ENTREP2: variants seen among roughly 807,000 people sequenced by gnomAD.
ENTREP2 encodes protein ENTREP2.
At chr15:29,493,264 G>C in the ENTREP2 span, among the ~76,000 whole-genome samples, 1 of 142,482 alleles carries the variant, frequency 7.0e-6, no homozygotes, top group African/African-American at 2.6e-5. Context: ...CTCCCAAGTA[G>C]CTGGGACTAC....
chr15:29,620,053 T>C, the ENTREP2 span, among the ~76,000 whole-genome samples: 1 of 152,060 alleles, frequency 6.6e-6, no homozygotes, highest in Non-Finnish European at 1.5e-5. Flanking sequence ...GGGGGTTTAT[T>C]ATAGGAATTT....
the ENTREP2 span, among the ~76,000 whole-genome samples, chr15:29,383,892 C>T: frequency 3.9e-5 from 6 of 152,194 alleles, no homozygotes; most frequent in Non-Finnish European, 5.9e-5. Flanking sequence ...ACACAGTTAC[C>T]GGCGACAGAC....
chr15:29,333,594 T>C, the ENTREP2 span, among the ~76,000 whole-genome samples: 2 of 152,084 alleles, frequency 1.3e-5, no homozygotes, highest in Non-Finnish European at 2.9e-5. Flanking sequence ...CCTTCCTCAT[T>C]TGCATTCCAT....
At chr15:29,477,417 CA>C in the ENTREP2 span, among the ~76,000 whole-genome samples, 74,052 of 150,474 alleles carry the variant, frequency 0.49, 18,709 homozygotes, top group African/African-American at 0.64. Context: ...ACAAAAAGTG[CA>C]AAAAAAAATA....
At chr15:29,199,824 A>G in the ENTREP2 span, among the ~76,000 whole-genome samples, 2 of 152,208 alleles carry the variant, frequency 1.3e-5, no homozygotes, top group Admixed American at 1.3e-4. Context: ...TCTTTCTCCT[A>G]TGTTTTTTCT....
At chr15:29,657,233 G>C in the ENTREP2 span, among the ~76,000 whole-genome samples, 16 of 149,128 alleles carry the variant, frequency 1.1e-4, no homozygotes, top group African/African-American at 3.2e-4. Flanking sequence ...TTTTCTTTTT[G>C]CATTTTTAGT....
the ENTREP2 span, among the ~76,000 whole-genome samples, chr15:29,292,995 A>G: frequency 6.6e-6 from 1 of 152,262 alleles, no homozygotes; most frequent in Non-Finnish European, 1.5e-5. Flanking sequence ...TCTCTACTAC[A>G]GCTGTGTAGT....
At chr15:29,268,958 A>C in the ENTREP2 span, 3 of 1,614,160 alleles carry the variant, frequency 1.9e-6, no homozygotes, top group Non-Finnish European at 2.5e-6. Flanking sequence ...CGCGGGCCCC[A>C]CTGGAATTCG....
the ENTREP2 span, among the ~76,000 whole-genome samples, chr15:29,658,510 AATC>A: frequency 2.6e-5 from 4 of 152,148 alleles, no homozygotes; most frequent in African/African-American, 9.7e-5. Context: ...GGGGTGATAG[AATC>A]ATCGTGTATC....
chr15:29,135,453 C>T, the ENTREP2 span, among the ~76,000 whole-genome samples: 1 of 152,060 alleles, frequency 6.6e-6, no homozygotes, highest in East Asian at 1.9e-4. This position sits in a 1 kb window ranked among gnomAD's most constrained non-coding sequence, Gnocchi z 7.4. Context: ...CACTATGGGC[C>T]ACGTGACTTT....
At chr15:29,531,582 C>A in the ENTREP2 span, among the ~76,000 whole-genome samples, 1 of 152,150 alleles carries the variant, frequency 6.6e-6, no homozygotes, top group African/African-American at 2.4e-5. Flanking sequence ...TTTTAATTGA[C>A]AAATAAAAAT....
chr15:29,142,295 C>G, the ENTREP2 span, among the ~76,000 whole-genome samples: 51 of 152,342 alleles, frequency 3.3e-4, 1 homozygote, highest in East Asian at 7.1e-3. Flanking sequence ...AATGAGATGA[C>G]TGGTTGACAG....
chr15:29,425,059 C>T, the ENTREP2 span, among the ~76,000 whole-genome samples: 1 of 152,106 alleles, frequency 6.6e-6, no homozygotes, highest in African/African-American at 2.4e-5. Context: ...GATGGAGTCT[C>T]GCTCTGTTGC....
the ENTREP2 span, among the ~76,000 whole-genome samples, chr15:29,547,262 T>G: frequency 0.048 from 7,196 of 151,346 alleles, 598 homozygotes; most frequent in African/African-American, 0.17. Context: ...ATTTTTTTTT[T>G]TATTTTTAGT....
chr15:29,555,638 C>T, the ENTREP2 span, among the ~76,000 whole-genome samples: 1 of 152,180 alleles, frequency 6.6e-6, no homozygotes, highest in East Asian at 1.9e-4. Flanking sequence ...TGGCTATTTG[C>T]ATATTCCCAG....
the ENTREP2 span, among the ~76,000 whole-genome samples, chr15:29,656,597 G>A: frequency 3.3e-5 from 5 of 152,144 alleles, no homozygotes; most frequent in African/African-American, 1.2e-4. Context: ...ATGGAAAGAT[G>A]CTCAACATAA....
chr15:29,149,553 C>A, the ENTREP2 span, among the ~76,000 whole-genome samples: 1 of 152,190 alleles, frequency 6.6e-6, no homozygotes. Context: ...GTGGCCACCA[C>A]GTTCCTTCAA....
the ENTREP2 span, among the ~76,000 whole-genome samples, chr15:29,525,824 C>A: frequency 6.6e-6 from 1 of 152,148 alleles, no homozygotes; most frequent in Non-Finnish European, 1.5e-5. Flanking sequence ...GGAATGGATA[C>A]ATGTATTACA....
chr15:29,445,241 C>T, the ENTREP2 span, among the ~76,000 whole-genome samples: 1 of 152,136 alleles, frequency 6.6e-6, no homozygotes, highest in Non-Finnish European at 1.5e-5. Flanking sequence ...CTTCTTGTTT[C>T]CTGGCATGCA....
Sources: allele counts gnomAD v4.1 joint callset (sites outside exome capture counted in the v4.1 genomes callset), GRCh38; gene constraint gnomAD v4.1.1; non-coding constraint Gnocchi (gnomAD v3.1); transcripts MANE v1.5; gene names NCBI Gene and HGNC (gene_info 2026-07-23, HGNC 2026-07-21).